KIAA0825: variants seen among roughly 807,000 people sequenced by gnomAD.
KIAA0825 encodes uncharacterized protein KIAA0825.
KIAA0825 carries 119 observed loss-of-function variants against 147.6 expected under a neutral mutation model. That is an observed-to-expected ratio of 0.81 (90% CI 0.69 to 0.94). KIAA0825 has a LOEUF of 0.94. Ranked by LOEUF, KIAA0825 falls within the 40% of genes least tolerant of loss-of-function variation. The probability of loss-of-function intolerance (pLI) is 0.00; values close to 1 mark genes in which losing one functional copy is unlikely to be tolerated. For synonymous variants in KIAA0825, 470 were observed against 518.1 expected (o/e 0.91, Z 1.26); for missense variants, 1,381 against 1,472.7 (o/e 0.94, Z 1.02).
intron 20 of KIAA0825, among the ~76,000 whole-genome samples, chr5:94,207,195 A>G (rs1392719568): frequency 1.3e-5 from 2 of 152,196 alleles, no homozygotes; most frequent in Non-Finnish European, 2.9e-5. Flanking sequence ...TTCTATTACA[A>G]TCATCAACTG....
intron 20 of KIAA0825, among the ~76,000 whole-genome samples, chr5:94,252,722 C>A (rs1776027279): frequency 6.6e-6 from 1 of 151,714 alleles, no homozygotes; most frequent in African/African-American, 2.4e-5. Context: ...GAATTGTGAC[C>A]AATAAAATAA....
intron 20 of KIAA0825, among the ~76,000 whole-genome samples, chr5:94,338,574 T>G (rs1192711799): frequency 6.6e-6 from 1 of 152,188 alleles, no homozygotes; most frequent in Non-Finnish European, 1.5e-5. Flanking sequence ...TCTATTATAA[T>G]AACATATCTT....
chr5:94,216,788 T>C (rs1051176485), intron 20 of KIAA0825, among the ~76,000 whole-genome samples: 4 of 152,202 alleles, frequency 2.6e-5, no homozygotes, highest in African/African-American at 9.7e-5. Flanking sequence ...TTTTTCACAT[T>C]TCTGATTCTC....
At chr5:94,479,979 A>G (rs1408242924) in intron 6 of KIAA0825, among the ~76,000 whole-genome samples, 1 of 152,058 alleles carries the variant, frequency 6.6e-6, no homozygotes, top group Non-Finnish European at 1.5e-5. Flanking sequence ...TATTTTGGAT[A>G]CAAGTTCTTT....
Position 94,499,594 on chromosome 5 carries a change from G to T in KIAA0825, c.971-14664C>A, listed in dbSNP as rs995961854. Among the ~76,000 whole-genome samples the T allele has an allele frequency of 7.7e-4, 112 of 145,886 alleles. 8 individuals carry two copies. Among genetic ancestry groups the T allele is most frequent in the Admixed American group, 1.1e-3 (16 of 14,618 alleles). ...ATTTTATTTCCCAATCTGGGGGGGG[G>T]GGGGGACCAAGGGTCTTACACTTTC... On this transcript the variant is annotated intron_variant, in intron 5 of 20. Coordinates refer to ENST00000682413, the MANE Select transcript of KIAA0825 (RefSeq NM_001145678.3).
At chr5:94,199,039 T>G (rs2150017715) in intron 20 of KIAA0825, among the ~76,000 whole-genome samples, 1 of 152,330 alleles carries the variant, frequency 6.6e-6, no homozygotes, top group Middle Eastern at 3.4e-3. Flanking sequence ...ATTCGATATC[T>G]GTCATTTCAT....
intron 2 of KIAA0825, among the ~76,000 whole-genome samples, chr5:94,541,040 T>C (rs1038813395): frequency 6.6e-6 from 1 of 152,228 alleles, no homozygotes; most frequent in African/African-American, 2.4e-5. Flanking sequence ...AAGTACGTCA[T>C]AGATTGTCTG....
chr5:94,326,927 C>G (rs1401885630), intron 20 of KIAA0825, among the ~76,000 whole-genome samples: 2 of 152,104 alleles, frequency 1.3e-5, no homozygotes, highest in Non-Finnish European at 2.9e-5. Context: ...GTGGTGACAT[C>G]ATGACAATAA....
intron 20 of KIAA0825, among the ~76,000 whole-genome samples, chr5:94,325,872 C>T (rs1382301031): frequency 2.0e-5 from 3 of 151,832 alleles, no homozygotes. Context: ...TATTTTGGCC[C>T]TAATTTTCAT....
At chr5:94,193,356 CA>C (rs1270432659) in intron 20 of KIAA0825, among the ~76,000 whole-genome samples, 2 of 152,148 alleles carry the variant, frequency 1.3e-5, no homozygotes, top group African/African-American at 4.8e-5. Context: ...TAAGTACTTA[CA>C]AAATACATGT....
At chr5:94,566,404 C>A (rs1319606967) in intron 2 of KIAA0825, among the ~76,000 whole-genome samples, 1 of 151,998 alleles carries the variant, frequency 6.6e-6, no homozygotes, top group Non-Finnish European at 1.5e-5. Context: ...ATATTACTAA[C>A]CAGTTAAACA....
intron 17 of KIAA0825, among the ~76,000 whole-genome samples, chr5:94,395,064 C>T (rs1364216110): frequency 1.3e-5 from 2 of 152,124 alleles, no homozygotes; most frequent in African/African-American, 4.8e-5. Flanking sequence ...CCTATCAGTT[C>T]CAAGCTTGAT....
rs1175360792 is a variant in KIAA0825 at position 94,152,856 on chromosome 5, T to TTATATATATATATA, written c.*1137_*1150dup. ...AAAAAAAAAAAAAAAAAAAAAAAAA[T>TTATATATATATATA]TATATATATATATATATATATATAT... is the stretch of plus-strand genomic sequence containing the variant. On this transcript the variant is annotated 3_prime_UTR_variant, in exon 21 of 21. Coordinates refer to ENST00000682413, the MANE Select transcript of KIAA0825 (RefSeq NM_001145678.3). 2 of 2,774 alleles carry TTATATATATATATA rather than the reference T, an allele frequency of 7.2e-4. No homozygotes were observed. Among genetic ancestry groups the TTATATATATATATA allele is most frequent in the African/African-American group, 1.1e-3 (1 of 952 alleles). The allele number at this position is 2,774 out of a possible 1,614,324, so 0.2% of individuals were successfully genotyped here.
chr5:94,314,286 C>G (rs1433271029), intron 20 of KIAA0825, among the ~76,000 whole-genome samples: 1 of 151,538 alleles, frequency 6.6e-6, no homozygotes, highest in Non-Finnish European at 1.5e-5. Context: ...GACTACCAAG[C>G]CCCACATACA....
At chr5:94,289,535 GAAA>G (rs540467740) in intron 20 of KIAA0825, among the ~76,000 whole-genome samples, 2 of 100,734 alleles carry the variant, frequency 2.0e-5, no homozygotes, top group Non-Finnish European at 2.0e-5. Flanking sequence ...ACTCCATCTG[GAAA>G]AAAAAAAAAA....
intron 10 of KIAA0825, among the ~76,000 whole-genome samples, chr5:94,469,543 C>T (rs79093702): frequency 0.013 from 1,991 of 152,182 alleles, 53 homozygotes; most frequent in African/African-American, 0.046. Context: ...AAGAATAAAG[C>T]TGCTTAATAA....
chr5:94,352,837 A>C (rs1342831883), intron 20 of KIAA0825, among the ~76,000 whole-genome samples: 1 of 151,946 alleles, frequency 6.6e-6, no homozygotes, highest in Non-Finnish European at 1.5e-5. Context: ...AGAAAACCAA[A>C]CATGGTATGT....
chr5:94,452,144 T>C (rs1758493458), intron 13 of KIAA0825, among the ~76,000 whole-genome samples: 1 of 152,192 alleles, frequency 6.6e-6, no homozygotes, highest in Non-Finnish European at 1.5e-5. Context: ...CTATGTCTCA[T>C]TAATGTTGGA....
chr5:94,548,197 ATAAT>A (rs1374399276), intron 2 of KIAA0825, among the ~76,000 whole-genome samples: 1 of 152,182 alleles, frequency 6.6e-6, no homozygotes, highest in Non-Finnish European at 1.5e-5. Context: ...GAATTGAATA[ATAAT>A]TAAAACAACT....
Sources: allele counts gnomAD v4.1 joint callset (sites outside exome capture counted in the v4.1 genomes callset), GRCh38; gene constraint gnomAD v4.1.1; transcripts MANE v1.5; gene names NCBI Gene and HGNC (gene_info 2026-07-23, HGNC 2026-07-21).